Variants in TPTE observed in about 807,000 individuals in gnomAD.
The protein encoded by TPTE is transmembrane phosphatase with tensin homology.
In TPTE, 59 loss-of-function variants were observed where a neutral mutation model predicts 84.1. That is an observed-to-expected ratio of 0.70 (90% CI 0.57 to 0.87). The LOEUF (loss-of-function observed/expected upper bound fraction) is 0.87, where lower values mean the gene tolerates loss of function less well. Ranked by LOEUF, TPTE falls within the 40% of genes least tolerant of loss-of-function variation. The probability of loss-of-function intolerance (pLI) is 0.00; values close to 1 mark genes in which losing one functional copy is unlikely to be tolerated. For missense variants in TPTE, 382 were observed against 659.6 expected, an observed-to-expected ratio of 0.58 and a Z score of 4.61; for synonymous variants, 130 against 223.5, an observed-to-expected ratio of 0.58 and a Z score of 3.73.
chr21:10,579,804 A>G (rs1301253628), intron 17 of TPTE, among the ~76,000 whole-genome samples: 1 of 152,304 alleles, frequency 6.6e-6, no homozygotes, highest in African/African-American at 2.4e-5. Flanking sequence ...GATTGACTCC[A>G]TAGCTTGGGT....
At chr21:10,556,047 T>A (rs1303939873) in intron 8 of TPTE, among the ~76,000 whole-genome samples, 3 of 152,422 alleles carry the variant, frequency 2.0e-5, no homozygotes, top group Non-Finnish European at 2.9e-5. Flanking sequence ...GCTACTTTTT[T>A]TTATTATTAT....
At chr21:10,568,818 T>C (rs373532542) in intron 11 of TPTE, among the ~76,000 whole-genome samples, 25 of 152,362 alleles carry the variant, frequency 1.6e-4, no homozygotes, top group South Asian at 8.3e-4. Flanking sequence ...GTGGCTCTTA[T>C]TGATGTGTGC....
At chr21:10,562,464 CAAAG>C (rs869206055) in intron 10 of TPTE, among the ~76,000 whole-genome samples, 1 of 152,298 alleles carries the variant, frequency 6.6e-6, no homozygotes. Flanking sequence ...ACCTTTCAGA[CAAAG>C]AAATCAAAAT....
At chr21:10,595,207 C>G (rs1284862402) in intron 19 of TPTE, among the ~76,000 whole-genome samples, 1 of 152,306 alleles carries the variant, frequency 6.6e-6, no homozygotes, top group Non-Finnish European at 1.5e-5. Flanking sequence ...CACGCATGGC[C>G]TATTTTTGTA....
intron 21 of TPTE, among the ~76,000 whole-genome samples, chr21:10,601,581 G>T (rs1978520394): frequency 6.6e-6 from 1 of 152,300 alleles, no homozygotes; most frequent in African/African-American, 2.4e-5. Flanking sequence ...CAGGCCAGGT[G>T]CAGTGGCTCA....
intron 22 of TPTE, 29 bp from the exon 23 acceptor site, chr21:10,603,533 T>A: frequency 6.3e-7 from 1 of 1,598,010 alleles, no homozygotes; most frequent in Non-Finnish European, 8.6e-7. Context: ...TGGTATCAGT[T>A]TTACTTTGAA....
chr21:10,532,361 C>T (rs1302113916), intron 3 of TPTE, among the ~76,000 whole-genome samples: 2 of 152,302 alleles, frequency 1.3e-5, no homozygotes, highest in Non-Finnish European at 2.9e-5. Flanking sequence ...ATGCTCCCTT[C>T]TTGTACATTT....
chr21:10,533,628 G>A (rs1210095914), intron 3 of TPTE, among the ~76,000 whole-genome samples: 1 of 152,306 alleles, frequency 6.6e-6, no homozygotes, highest in Non-Finnish European at 1.5e-5. Context: ...CCTTTCAAAA[G>A]TGTCCTGGTT....
intron 17 of TPTE, among the ~76,000 whole-genome samples, chr21:10,582,137 T>A (rs1422022770): frequency 6.6e-6 from 1 of 152,312 alleles, no homozygotes; most frequent in African/African-American, 2.4e-5. Flanking sequence ...CCTATACTGA[T>A]GTAGTAAAGA....
At chr21:10,540,644 T>A in intron 4 of TPTE, 1 of 519,084 alleles carries the variant, frequency 1.9e-6, no homozygotes, top group Non-Finnish European at 3.9e-6. Flanking sequence ...GCTGACTGCC[T>A]TTGCCCATAC....
chr21:10,542,261 G>A lies in TPTE; in HGVS notation c.66-134G>A, dbSNP rs573633397. 29 of 1,109,108 alleles carry A rather than the reference G, an allele frequency of 2.6e-5. No individual in the cohort carries two copies. In the African/African-American group the frequency reaches 3.8e-4, roughly 14 times the overall value. The allele number at this position is 1,109,108 out of a possible 1,614,324, so 68.7% of individuals were successfully genotyped here. On this transcript the variant is annotated intron_variant, in intron 5 of 23. Coordinates refer to ENST00000618007, the MANE Select transcript of TPTE (RefSeq NM_199261.4). Reference sequence around the variant, plus strand: ...TAATAAAGAGGAAAAGACATTCCAGGTTCCAGTAGTACTATACACATGAAT... The same window carrying A: ...TAATAAAGAGGAAAAGACATTCCAGATTCCAGTAGTACTATACACATGAAT...
At chr21:10,531,555 G>A (rs1278715331) in intron 3 of TPTE, among the ~76,000 whole-genome samples, 3 of 152,306 alleles carry the variant, frequency 2.0e-5, no homozygotes, top group Non-Finnish European at 4.4e-5. Context: ...ACACTAAACA[G>A]ACTCAGATGC....
chr21:10,563,296 T>C (rs2074845628), intron 10 of TPTE, among the ~76,000 whole-genome samples: 1 of 152,304 alleles, frequency 6.6e-6, no homozygotes, highest in African/African-American at 2.4e-5. Flanking sequence ...TAATGAGCAA[T>C]AAGTAACAAC....
At chr21:10,536,059 C>G (rs1472975447) in intron 3 of TPTE, among the ~76,000 whole-genome samples, 3 of 152,304 alleles carry the variant, frequency 2.0e-5, no homozygotes, top group Non-Finnish European at 4.4e-5. Context: ...AGCTAGATCA[C>G]TTGAGGCCAG....
At chr21:10,590,109 T>G (rs2075439869) in intron 17 of TPTE, among the ~76,000 whole-genome samples, 1 of 152,310 alleles carries the variant, frequency 6.6e-6, no homozygotes, top group African/African-American at 2.4e-5. Context: ...TGGAATCAGT[T>G]ATATTAACGT....
At chr21:10,552,256 AT>A (rs147792589) in intron 7 of TPTE, among the ~76,000 whole-genome samples, 5,731 of 149,878 alleles carry the variant, frequency 0.038, no homozygotes, top group Middle Eastern at 0.11. Flanking sequence ...AACCCAAAAC[AT>A]TTGTGTGAGT....
intron 1 of TPTE, among the ~76,000 whole-genome samples, chr21:10,522,322 G>A (rs2145561288): frequency 6.6e-6 from 1 of 152,388 alleles, no homozygotes; most frequent in South Asian, 2.1e-4. Context: ...TGGGGTGCGG[G>A]GTTCCCTGAG....
chr21:10,549,742 A>G (rs1297326536), intron 7 of TPTE, among the ~76,000 whole-genome samples: 3 of 152,312 alleles, frequency 2.0e-5, no homozygotes, highest in African/African-American at 7.2e-5. Context: ...CAGAAGGAAA[A>G]GAGTAGAGAA....
chr21:10,553,469 CCACTGAAT>C lies in TPTE; in HGVS notation c.233+754_233+761del, dbSNP rs1276019799. On this transcript the variant is annotated intron_variant, in intron 8 of 23. Coordinates refer to ENST00000618007, the MANE Select transcript of TPTE (RefSeq NM_199261.4). ...AGTTCTTCAAATTACCCTGAATTTG[CCACTGAAT>C]TAAACTGTGTGTCTGCAGATTAGCT... is the stretch of plus-strand genomic sequence containing the variant. 5.9e-5 allele frequency among the ~76,000 whole-genome samples: 9 copies of C among 152,424 alleles called. No individual in the cohort carries two copies. The East Asian group carries it at 1.7e-3, about 29-fold the overall frequency.
Sources: allele counts gnomAD v4.1 joint callset (sites outside exome capture counted in the v4.1 genomes callset), GRCh38; gene constraint gnomAD v4.1.1; transcripts MANE v1.5; gene names NCBI Gene and HGNC (gene_info 2026-07-23, HGNC 2026-07-21).